Variants in RTKN2 observed in about 807,000 individuals in gnomAD.
The protein encoded by RTKN2 is rhotekin 2, also known as rhotekin-2.
Under a neutral mutation model 71.5 loss-of-function variants are expected in RTKN2, and 69 were observed. The ratio of observed to expected loss-of-function variants is 0.96; its 90% CI spans 0.79 to 1.18. The LOEUF is 1.18. Ranked by LOEUF, RTKN2 falls within the 50% of genes most tolerant of loss-of-function variation. The pLI is 0.00. For synonymous variants in RTKN2, 236 were observed against 236.5 expected (o/e 1.00, Z 0.02); for missense variants, 724 against 719.7 (o/e 1.01, Z -0.07).
At chr10:62,250,710 A>T (rs1375088490) in intron 2 of RTKN2, among the ~76,000 whole-genome samples, 1 of 152,008 alleles carries the variant, frequency 6.6e-6, no homozygotes, top group African/African-American at 2.4e-5. Flanking sequence ...GCTCACTGCA[A>T]CCTCCGCCTC....
intron 3 of RTKN2, among the ~76,000 whole-genome samples, chr10:62,244,951 C>A (rs1290579300): frequency 2.6e-5 from 4 of 152,106 alleles, no homozygotes; most frequent in African/African-American, 7.2e-5. Context: ...GGTGACAGTA[C>A]CTCAAATGTA....
At chr10:62,218,401 G>T in intron 7 of RTKN2, 100 bp from the exon 8 acceptor site, 1 of 756,944 alleles carries the variant, frequency 1.3e-6, no homozygotes, top group Non-Finnish European at 2.1e-6. Flanking sequence ...ATTTTGTTTT[G>T]CTTTGTACAG....
Position 62,197,994 on chromosome 10 carries a change from A to C in RTKN2, c.1744T>G (p.Phe582Val). Residue 582 changes from phenylalanine to valine, a missense_variant, in exon 12 of 12, where the codon TTT becomes GTT. By Grantham distance (50) the Phe-to-Val change is conservative. Transcript: ENST00000373789. ...DGEHTDTKTN[F>V]EAKPVPAPRQ... ...GGAGCTGGCACTGGCTTGGCTTCAA[A>C]ATTGGTTTTAGTGTCTGTGTGCTCA... is the stretch of plus-strand genomic sequence containing the variant. The C allele has an allele frequency of 1.2e-6, 2 of 1,613,940 alleles. No homozygotes were observed. The highest frequency in any genetic ancestry group is 1.7e-6 in the Non-Finnish European group (2 of 1,179,916).
intron 8 of RTKN2, among the ~76,000 whole-genome samples, chr10:62,187,275 C>A (rs12769071): frequency 7.2e-4 from 104 of 144,568 alleles, no homozygotes; most frequent in African/African-American, 1.5e-3. Context: ...CATCACAAAT[C>A]ACAAAAAAAA....
At chr10:62,186,878 C>T (rs1841144417) in intron 8 of RTKN2, among the ~76,000 whole-genome samples, 1 of 152,228 alleles carries the variant, frequency 6.6e-6, no homozygotes, top group East Asian at 1.9e-4. Context: ...TGGTTGAGTA[C>T]ATTTTTCCCA....
Position 62,195,601 on chromosome 10 carries a change from G to GGGAATGAA in RTKN2, c.*2299_*2306dup, listed in dbSNP as rs1841309050. On this transcript the variant is annotated 3_prime_UTR_variant, in exon 12 of 12. Transcript: ENST00000373789. ...AAGGAGGGAAGGAGAGACGGACAGAGGGAATGAAGGAAGGAAGGAAGGAAG... is the reference window on the plus strand; with the variant it reads ...AAGGAGGGAAGGAGAGACGGACAGAGGGAATGAAGGAATGAAGGAAGGAAGGAAGGAAG... 2 of 522,768 alleles carry GGGAATGAA rather than the reference G, an allele frequency of 3.8e-6. No individual in the cohort carries two copies. Among genetic ancestry groups the GGGAATGAA allele is most frequent in the Non-Finnish European group, 2.3e-6 (1 of 426,836 alleles). 32.4% of individuals were successfully genotyped at this position (522,768 alleles called of 1,614,324 possible).
intron 2 of RTKN2, among the ~76,000 whole-genome samples, chr10:62,255,310 G>C (rs2133071296): frequency 6.6e-6 from 1 of 152,288 alleles, no homozygotes; most frequent in East Asian, 1.9e-4. Flanking sequence ...AGCATACCTA[G>C]TGCCCAGGTT....
At position 62,195,606 on chromosome 10, in the gene RTKN2, T is replaced by TGAAGGAAGGAAGGAAGGAAG. The variant is rs3835074; in HGVS notation, c.*2282_*2301dup. 219 of 301,736 alleles carry TGAAGGAAGGAAGGAAGGAAG rather than the reference T, an allele frequency of 7.3e-4. 1 individual carries two copies. Among genetic ancestry groups the TGAAGGAAGGAAGGAAGGAAG allele is most frequent in the Admixed American group, 2.7e-3 (32 of 11,748 alleles). The allele number at this position is 301,736 out of a possible 1,614,324, so 18.7% of individuals were successfully genotyped here. A position where few individuals can be genotyped will look rare whatever the true frequency, so the allele number is the denominator to read the frequency against. The stretch of plus-strand genomic sequence containing the variant: ...GGGAAGGAGAGACGGACAGAGGGAA[T>TGAAGGAAGGAAGGAAGGAAG]GAAGGAAGGAAGGAAGGAAGGAAGG... On this transcript the variant is annotated 3_prime_UTR_variant, in exon 12 of 12. Coordinates refer to ENST00000373789, the MANE Select transcript of RTKN2 (RefSeq NM_145307.4).
At chr10:62,245,727 T>A (rs1485777156) in intron 3 of RTKN2, among the ~76,000 whole-genome samples, 1 of 152,096 alleles carries the variant, frequency 6.6e-6, no homozygotes, top group Non-Finnish European at 1.5e-5. Context: ...AGCCTCTGAG[T>A]CTGTAGAAAA....
chr10:62,246,968 A>G (rs1842490168), intron 2 of RTKN2, among the ~76,000 whole-genome samples: 1 of 151,980 alleles, frequency 6.6e-6, no homozygotes. Context: ...TTAGCATTCC[A>G]TTTACAGGGC....
intron 2 of RTKN2, among the ~76,000 whole-genome samples, chr10:62,249,565 G>A (rs759736012): frequency 1.7e-4 from 26 of 152,134 alleles, no homozygotes; most frequent in Non-Finnish European, 3.5e-4. Flanking sequence ...TTTAGGGACT[G>A]TTAAATGAAA....
intron 6 of RTKN2, among the ~76,000 whole-genome samples, chr10:62,231,883 T>C (rs1180855238): frequency 1.3e-5 from 2 of 152,188 alleles, no homozygotes; most frequent in Non-Finnish European, 2.9e-5. Context: ...TTGATCCCCT[T>C]ATGCATCCTG....
chr10:62,233,772 G>C (rs779973920), intron 6 of RTKN2, among the ~76,000 whole-genome samples: 117 of 152,258 alleles, frequency 7.7e-4, no homozygotes, highest in Non-Finnish European at 9.0e-4. Context: ...AGTATATTTT[G>C]CATGTAATAT....
At chr10:62,218,516 T>C (rs988563879) in intron 7 of RTKN2, among the ~76,000 whole-genome samples, 1 of 152,174 alleles carries the variant, frequency 6.6e-6, no homozygotes, top group Admixed American at 6.5e-5. Flanking sequence ...CAGGATAATA[T>C]TAAACTGACA....
At chr10:62,229,319 C>T (rs1182689676) in intron 6 of RTKN2, among the ~76,000 whole-genome samples, 1 of 152,134 alleles carries the variant, frequency 6.6e-6, no homozygotes, top group Non-Finnish European at 1.5e-5. Context: ...CATGCAATTA[C>T]TAGTAATGAC....
At chr10:62,260,293 G>A (rs1483001286) in intron 2 of RTKN2, among the ~76,000 whole-genome samples, 1 of 152,166 alleles carries the variant, frequency 6.6e-6, no homozygotes, top group Non-Finnish European at 1.5e-5. Context: ...TAGATATTCA[G>A]TATATCTGCA....
intron 10 of RTKN2, among the ~76,000 whole-genome samples, chr10:62,202,637 T>G (rs902108209): frequency 2.0e-5 from 3 of 152,198 alleles, no homozygotes; most frequent in African/African-American, 7.2e-5. Context: ...ATACCAAAAA[T>G]GTAACCAGAC....
chr10:62,252,652 T>A (rs986205701), intron 2 of RTKN2, among the ~76,000 whole-genome samples: 16 of 149,396 alleles, frequency 1.1e-4, no homozygotes, highest in Admixed American at 2.0e-4. Context: ...AGCTCATTGA[T>A]CTTGACATAG....
At chr10:62,215,441 C>T (rs1841748682) in intron 9 of RTKN2, among the ~76,000 whole-genome samples, 1 of 151,892 alleles carries the variant, frequency 6.6e-6, no homozygotes, top group South Asian at 2.1e-4. Context: ...ACTATAGGAT[C>T]CTTGATGAGG....
Sources: allele counts gnomAD v4.1 joint callset (sites outside exome capture counted in the v4.1 genomes callset), GRCh38; gene constraint gnomAD v4.1.1; transcripts MANE v1.5; gene names NCBI Gene and HGNC (gene_info 2026-07-23, HGNC 2026-07-21).